SLC35F3: variants seen among roughly 807,000 people sequenced by gnomAD.
SLC35F3 encodes the protein solute carrier family 35 member F3.
SLC35F3 carries 25 observed loss-of-function variants against 49.9 expected under a neutral mutation model. The ratio of observed to expected loss-of-function variants is 0.50; its 90% CI spans 0.37 to 0.70. The LOEUF is 0.70. Among genes scored for constraint, SLC35F3 ranks in the 30% least tolerant of loss-of-function variants. The pLI is 0.00. For synonymous variants in SLC35F3, 275 were observed against 265.4 expected, an observed-to-expected ratio of 1.04 and a Z score of -0.35; for missense variants, 525 against 639.8, an observed-to-expected ratio of 0.82 and a Z score of 1.94.
intron 2 of SLC35F3, among the ~76,000 whole-genome samples, chr1:234,205,617 A>G (rs1184981323): frequency 1.3e-5 from 2 of 152,230 alleles, no homozygotes; most frequent in Non-Finnish European, 2.9e-5. Flanking sequence ...AGAAGCCTAG[A>G]GAAAGGCATG....
At chr1:234,144,770 G>A (rs953485161) in intron 2 of SLC35F3, among the ~76,000 whole-genome samples, 2 of 152,188 alleles carry the variant, frequency 1.3e-5, no homozygotes, top group South Asian at 2.1e-4. Flanking sequence ...TCTAATGGAT[G>A]AGACTCGTGT....
chr1:234,110,518 A>C (rs1665390258), intron 2 of SLC35F3, among the ~76,000 whole-genome samples: 1 of 152,272 alleles, frequency 6.6e-6, no homozygotes, highest in African/African-American at 2.4e-5. Flanking sequence ...ACATTTGCTG[A>C]ATGAGTGGAC....
intron 2 of SLC35F3, among the ~76,000 whole-genome samples, chr1:233,937,951 T>A (rs564807121): frequency 2.0e-5 from 3 of 152,190 alleles, no homozygotes; most frequent in African/African-American, 7.2e-5. Context: ...GTCCGTTAAT[T>A]AGTTGAAAGT....
At chr1:234,015,215 G>A (rs1222915303) in intron 2 of SLC35F3, among the ~76,000 whole-genome samples, 2 of 152,024 alleles carry the variant, frequency 1.3e-5, no homozygotes, top group Admixed American at 6.6e-5. Flanking sequence ...GTGCGGTGTG[G>A]TGTGCCCCTG....
Position 234,144,048 on chromosome 1 carries a change from G to A in SLC35F3, c.284-87369G>A, listed in dbSNP as rs1464696490. On this transcript the variant is annotated intron_variant, in intron 2 of 7. Coordinates refer to ENST00000366618, the MANE Select transcript of SLC35F3 (RefSeq NM_173508.4). Reference sequence around the variant, plus strand: ...GTCCCACTGCCTGCCACTGCGCAGTGAAGGATGAATGCTGGTACTCCAGGG... The same window carrying A: ...GTCCCACTGCCTGCCACTGCGCAGTAAAGGATGAATGCTGGTACTCCAGGG... Among the ~76,000 whole-genome samples the A allele has an allele frequency of 3.3e-5, 5 of 152,040 alleles. No homozygotes were observed. The South Asian group carries it at 1.0e-3, about 32-fold the overall frequency.
At chr1:233,950,278 CG>C (rs1039883934) in intron 2 of SLC35F3, among the ~76,000 whole-genome samples, 2 of 144,270 alleles carry the variant, frequency 1.4e-5, no homozygotes, top group African/African-American at 5.3e-5. Flanking sequence ...CCCAGCTACT[CG>C]GGAGGCTGAG....
At chr1:234,255,166 C>T (rs956727640) in intron 3 of SLC35F3, among the ~76,000 whole-genome samples, 7 of 152,138 alleles carry the variant, frequency 4.6e-5, no homozygotes, top group Non-Finnish European at 7.4e-5. Context: ...AACTAAACTA[C>T]ATGAAAACCC....
intron 2 of SLC35F3, among the ~76,000 whole-genome samples, chr1:234,005,840 G>A (rs1417665198): frequency 2.0e-5 from 3 of 152,120 alleles, no homozygotes; most frequent in South Asian, 2.1e-4. Context: ...GAAAGACTAC[G>A]AAGCATTAGA....
In SLC35F3 at chr1:233,961,438, C is replaced by T. The variant is rs942238420; in HGVS notation, c.283+55680C>T. Among the ~76,000 whole-genome samples, 297 of 137,744 alleles carry T rather than the reference C, an allele frequency of 2.2e-3. 1 individual carries two copies. Among genetic ancestry groups the T allele is most frequent in the African/African-American group, 6.9e-3 (262 of 37,870 alleles). The allele number at this position is 137,744 out of a possible 152,430, so 90.4% of individuals were successfully genotyped here. A position where few individuals can be genotyped will look rare whatever the true frequency, so the allele number is the denominator to read the frequency against. Reference sequence around the variant, plus strand: ...ACTGACGTGTCCTCATTTCAGCTTTCTTTTTTTTTTTCCTCTCTTTTTTTT... The same window carrying T: ...ACTGACGTGTCCTCATTTCAGCTTTTTTTTTTTTTTTCCTCTCTTTTTTTT... On this transcript the variant is annotated intron_variant, in intron 2 of 7. Transcript: ENST00000366618.
At chr1:234,104,490 A>G (rs1031409888) in intron 2 of SLC35F3, among the ~76,000 whole-genome samples, 1 of 152,136 alleles carries the variant, frequency 6.6e-6, no homozygotes, top group Admixed American at 6.5e-5. Context: ...AAATGACAAC[A>G]GCCAATTACA....
intron 2 of SLC35F3, among the ~76,000 whole-genome samples, chr1:233,999,203 G>C (rs185744676): frequency 6.6e-6 from 1 of 152,066 alleles, no homozygotes; most frequent in African/African-American, 2.4e-5. Context: ...GTCATCCCAC[G>C]TTTTTTCCAC....
At chr1:234,001,636 C>G (rs1279936342) in intron 2 of SLC35F3, among the ~76,000 whole-genome samples, 1 of 152,156 alleles carries the variant, frequency 6.6e-6, no homozygotes, top group Admixed American at 6.5e-5. Context: ...AGGGGTATTA[C>G]TGATGCAGTA....
chr1:234,120,932 A>G (rs1028621812), intron 2 of SLC35F3, among the ~76,000 whole-genome samples: 1 of 152,150 alleles, frequency 6.6e-6, no homozygotes, highest in Non-Finnish European at 1.5e-5. Context: ...TATGTGTCTT[A>G]GTATAATTTT....
At chr1:234,135,013 C>A (rs1389489982) in intron 2 of SLC35F3, among the ~76,000 whole-genome samples, 4 of 152,214 alleles carry the variant, frequency 2.6e-5, no homozygotes, top group Non-Finnish European at 5.9e-5. Flanking sequence ...AGCCACCACG[C>A]CCAGCCAGCA....
chr1:233,907,005 G>A (rs1297499747), intron 2 of SLC35F3, among the ~76,000 whole-genome samples: 3 of 152,168 alleles, frequency 2.0e-5, no homozygotes, highest in Admixed American at 2.0e-4. Flanking sequence ...TATTACAAAA[G>A]GAAGACAAGG....
At position 234,323,375 on chromosome 1, in the gene SLC35F3, T is replaced by C; in HGVS notation, c.*132T>C. On this transcript the variant is annotated 3_prime_UTR_variant, in exon 8 of 8. Transcript: ENST00000366618. This position sits in a 1 kb window ranked among gnomAD's most constrained non-coding sequence, Gnocchi z 4.5. The stretch of plus-strand genomic sequence containing the variant: ...GTAAGTTCTATGGTATTTATTGGCA[T>C]GTCCAATTTGCTTGCACTTTTCCAC... 1.4e-6 allele frequency: 1 copy of C among 717,668 alleles called. No homozygotes were observed. Among genetic ancestry groups the C allele is most frequent in the Non-Finnish European group, 2.3e-6 (1 of 432,822 alleles). The allele number at this position is 717,668 out of a possible 1,614,324, so 44.5% of individuals were successfully genotyped here. A position where few individuals can be genotyped will look rare whatever the true frequency, so the allele number is the denominator to read the frequency against.
intron 2 of SLC35F3, among the ~76,000 whole-genome samples, chr1:234,178,504 G>C (rs1021136158): frequency 6.6e-6 from 1 of 150,914 alleles, no homozygotes; most frequent in Admixed American, 6.6e-5. Context: ...TAGGTTCACA[G>C]CAAAACTAAG....
intron 3 of SLC35F3, among the ~76,000 whole-genome samples, chr1:234,234,324 C>T (rs548924605): frequency 6.6e-6 from 1 of 152,114 alleles, no homozygotes; most frequent in Non-Finnish European, 1.5e-5. Flanking sequence ...ATGGAAGCTT[C>T]TTTTCTCTAA....
chr1:233,996,781 C>T (rs1663468180), intron 2 of SLC35F3, among the ~76,000 whole-genome samples: 3 of 152,158 alleles, frequency 2.0e-5, no homozygotes, highest in Non-Finnish European at 4.4e-5. Flanking sequence ...ATTCGATACT[C>T]TCAGCAAGCA....
Sources: allele counts gnomAD v4.1 joint callset (sites outside exome capture counted in the v4.1 genomes callset), GRCh38; gene constraint gnomAD v4.1.1; non-coding constraint Gnocchi (gnomAD v3.1); transcripts MANE v1.5; gene names NCBI Gene and HGNC (gene_info 2026-07-23, HGNC 2026-07-21).